The following DNAJC13 variants were observed in gnomAD, a reference collection of about 807,000 sequenced individuals.
The protein encoded by DNAJC13 is DnaJ heat shock protein family (Hsp40) member C13.
A neutral mutation model predicts 290.5 loss-of-function variants in DNAJC13; 75 were observed. The ratio of observed to expected loss-of-function variants is 0.26; its 90% CI spans 0.21 to 0.31. DNAJC13 has a LOEUF of 0.31. Ranked by LOEUF, DNAJC13 falls within the 10% of genes least tolerant of loss-of-function variation. The pLI is 1.00. For synonymous variants in DNAJC13, 862 were observed against 892.0 expected, an observed-to-expected ratio of 0.97 and a Z score of 0.60; for missense variants, 2,260 against 2,674.5, an observed-to-expected ratio of 0.85 and a Z score of 3.42.
chr3:132,421,659 C>T (rs370089442), intron 1 of DNAJC13, among the ~76,000 whole-genome samples: 5 of 150,760 alleles, frequency 3.3e-5, no homozygotes, highest in Non-Finnish European at 4.4e-5. Flanking sequence ...AGGCTGGTCT[C>T]GAACTCCTGA....
At position 132,454,314 on chromosome 3, in the gene DNAJC13, A is replaced by ATTTTTT. The variant is rs71622093; in HGVS notation, c.932+177_932+182dup. Among the ~76,000 whole-genome samples the ATTTTTT allele has an allele frequency of 1.7e-4, 15 of 86,128 alleles. 1 individual carries two copies. Among genetic ancestry groups the ATTTTTT allele is most frequent in the African/African-American group, 3.4e-4 (7 of 20,860 alleles). 56.5% of individuals were successfully genotyped at this position (86,128 alleles called of 152,430 possible). A position where few individuals can be genotyped will look rare whatever the true frequency, so the allele number is the denominator to read the frequency against. On this transcript the variant is annotated intron_variant, in intron 9 of 55. Transcript: ENST00000260818. ...ATTTAAAATGACCCTCCCATTTTCA[A>ATTTTTT]TTTTTTTTTTTTTTTTTTTTTTTTT...
In DNAJC13 at chr3:132,450,570, G is replaced by A. The variant is rs1933387634; in HGVS notation, c.337-77G>A. The A allele has an allele frequency of 6.6e-6, 7 of 1,065,602 alleles. No individual in the cohort carries two copies. The East Asian group carries it at 1.6e-4, about 24-fold the overall frequency. 66.0% of individuals were successfully genotyped at this position (1,065,602 alleles called of 1,614,324 possible). A position where few individuals can be genotyped will look rare whatever the true frequency, so the allele number is the denominator to read the frequency against. On this transcript the variant is annotated intron_variant, in intron 5 of 55. Coordinates refer to ENST00000260818, the MANE Select transcript of DNAJC13 (RefSeq NM_015268.4). ...AGTTAGATTTTTGGTCGTTTCAATA[G>A]TGACTGTGATACATTAAATTTTATT...
intron 54 of DNAJC13, among the ~76,000 whole-genome samples, chr3:132,528,786 G>A (rs1225630478): frequency 3.3e-5 from 5 of 149,824 alleles, no homozygotes; most frequent in Non-Finnish European, 5.9e-5. Flanking sequence ...TTCTTTGGTC[G>A]TGACTTTGTT....
intron 36 of DNAJC13, among the ~76,000 whole-genome samples, chr3:132,496,953 A>G (rs1220399088): frequency 6.6e-6 from 1 of 152,194 alleles, no homozygotes; most frequent in Non-Finnish European, 1.5e-5. Flanking sequence ...ATTTAGTAGC[A>G]ACGTGTTAAA....
At position 132,488,294 on chromosome 3, in the gene DNAJC13, TCAGCTAC is replaced by T; in HGVS notation, c.3268-3_3271del. 6.3e-7 allele frequency: 1 copy of T among 1,577,362 alleles called. No individual in the cohort carries two copies. The highest frequency in any genetic ancestry group is 2.0e-5 in the Admixed American group (1 of 50,422). On this transcript the variant is annotated splice_acceptor_variant and splice_polypyrimidine_tract_variant and coding_sequence_variant and intron_variant, in exon 30 of 56. Coordinates refer to ENST00000260818, the MANE Select transcript of DNAJC13 (RefSeq NM_015268.4). LOFTEE classifies it high-confidence loss of function. ...CCAATAAAAACATTTTAATTTTTTT[TCAGCTAC>T]TGCTGACCTTTGACCCTATCCTTGT...
At chr3:132,471,273 ACGG>A (rs1300420756) in intron 20 of DNAJC13, among the ~76,000 whole-genome samples, 1 of 109,194 alleles carries the variant, frequency 9.2e-6, no homozygotes, top group Non-Finnish European at 1.9e-5. Flanking sequence ...CCCGGATGGC[ACGG>A]CTGGCCGGTC....
intron 22 of DNAJC13, among the ~76,000 whole-genome samples, chr3:132,476,301 TAC>T (rs1410334312): frequency 6.6e-6 from 1 of 152,218 alleles, no homozygotes; most frequent in Non-Finnish European, 1.5e-5. Flanking sequence ...CTACTTCTCT[TAC>T]AGTCTTTATG....
chr3:132,444,227 C>T (rs1933170838), intron 2 of DNAJC13, among the ~76,000 whole-genome samples: 1 of 152,194 alleles, frequency 6.6e-6, no homozygotes, highest in Admixed American at 6.5e-5. Flanking sequence ...AACCATCCCC[C>T]TGCCCTGTCC....
At chr3:132,522,743 T>C (rs1936128738) in intron 48 of DNAJC13, 85 bp from the exon 49 acceptor site, 1 of 1,102,910 alleles carries the variant, frequency 9.1e-7, no homozygotes, top group South Asian at 1.7e-5. Flanking sequence ...ATTATGTTGA[T>C]ATTCTATCTT....
At chr3:132,526,951 G>C (rs762546228) in intron 53 of DNAJC13, among the ~76,000 whole-genome samples, 16 of 152,294 alleles carry the variant, frequency 1.1e-4, no homozygotes, top group Non-Finnish European at 1.9e-4. Context: ...ACTAGAGGCT[G>C]GGGTTGGGGA....
At chr3:132,468,380 G>A (rs1042862257) in intron 20 of DNAJC13, among the ~76,000 whole-genome samples, 12 of 152,158 alleles carry the variant, frequency 7.9e-5, no homozygotes, top group African/African-American at 1.2e-4. Flanking sequence ...ACCAGAATAC[G>A]TAAGCATAGC....
intron 8 of DNAJC13, 30 bp downstream of exon 8, chr3:132,453,724 GA>G: frequency 6.5e-7 from 1 of 1,537,882 alleles, no homozygotes; most frequent in East Asian, 2.3e-5. Context: ...GCTTAAATGA[GA>G]TTTCTTTCTA....
chr3:132,499,083 A>G (rs1475306677), intron 36 of DNAJC13, 43 bp from the exon 37 acceptor site: 1 of 1,478,578 alleles, frequency 6.8e-7, no homozygotes, highest in Non-Finnish European at 9.1e-7. Context: ...CAACATAATC[A>G]ATTTTGTTTT....
In DNAJC13 at chr3:132,447,423, T is replaced by C; in HGVS notation, c.247T>C (p.Leu83=). The C allele has an allele frequency of 6.2e-7, 1 of 1,609,728 alleles. No individual in the cohort carries two copies. Among genetic ancestry groups the C allele is most frequent in the Middle Eastern group, 1.7e-4 (1 of 6,044 alleles). The change falls in exon 4 of 56, where the codon TTA becomes CTA. Residue 83 remains leucine, a synonymous_variant. Transcript: ENST00000260818. ...RKGSGKKSET[L]KFSTEHRTEL... ...AGGCAGTGGAAAAAAGTCAGAAACT[T>C]TAAAATTTTCTACAGAGCACAGAAC...
At chr3:132,503,643 A>G (rs542229033) in intron 41 of DNAJC13, among the ~76,000 whole-genome samples, 53 of 152,204 alleles carry the variant, frequency 3.5e-4, no homozygotes, top group Non-Finnish European at 7.3e-4. Flanking sequence ...TCACAAAGGG[A>G]CAGGACGAGA....
Position 132,487,983 on chromosome 3 carries a change from G to A in DNAJC13, c.3268-315G>A, listed in dbSNP as rs534421390. On this transcript the variant is annotated intron_variant, in intron 29 of 55. Transcript: ENST00000260818. Reference sequence around the variant, plus strand: ...CAGCTCAGCTGAGTTGAAACAAACCGAGAAGTCTTTTTAGGAAGATTCTTG... The same window carrying A: ...CAGCTCAGCTGAGTTGAAACAAACCAAGAAGTCTTTTTAGGAAGATTCTTG... 1.8e-3 allele frequency among the ~76,000 whole-genome samples: 279 copies of A among 152,214 alleles called. 3 individuals carry two copies. The highest frequency in any genetic ancestry group is 6.5e-3 in the African/African-American group (268 of 41,534).
intron 42 of DNAJC13, among the ~76,000 whole-genome samples, chr3:132,505,959 A>G (rs191689068): frequency 6.6e-6 from 1 of 151,136 alleles, no homozygotes; most frequent in Admixed American, 6.6e-5. Flanking sequence ...AGCTCATTCC[A>G]TGTTAGTCAT....
rs376250122 is a variant in DNAJC13, at chr3:132,514,018, C to T, written c.5386-553C>T. Among the ~76,000 whole-genome samples the T allele has an allele frequency of 8.5e-5, 13 of 152,166 alleles. No homozygotes were observed. In the South Asian group the frequency reaches 1.5e-3, roughly 17 times the overall value. On this transcript the variant is annotated intron_variant, in intron 45 of 55. Transcript: ENST00000260818. Reference sequence around the variant, plus strand: ...AGCTTAACAAGCAAGTTATTTAAATCGAAAAACATGTTTTCCTACTTAATT... The same window carrying T: ...AGCTTAACAAGCAAGTTATTTAAATTGAAAAACATGTTTTCCTACTTAATT...
intron 13 of DNAJC13, among the ~76,000 whole-genome samples, chr3:132,459,292 C>G (rs1216720802): frequency 6.6e-6 from 1 of 152,144 alleles, no homozygotes; most frequent in African/African-American, 2.4e-5. Context: ...CGTTTTGCAA[C>G]ATGGATGAAC....
Sources: gnomAD v4.1 joint callset for allele counts (sites outside exome capture counted in the v4.1 genomes callset) on GRCh38, gnomAD v4.1.1 for gene constraint, MANE v1.5 for transcripts, NCBI Gene and HGNC (gene_info 2026-07-23, HGNC 2026-07-21) for gene names.